Variants in KLHL14 observed in about 807,000 individuals in gnomAD.
KLHL14 encodes the protein kelch-like protein 14.
In KLHL14, 22 loss-of-function variants were observed where a neutral mutation model predicts 64.3. That is an observed-to-expected ratio of 0.34 (90% CI 0.24 to 0.49). The LOEUF (loss-of-function observed/expected upper bound fraction) is 0.49, where lower values mean the gene tolerates loss of function less well. KLHL14 is among the 20% of genes least tolerant of loss of function. The pLI is 0.99. For missense variants in KLHL14, 661 were observed against 789.0 expected (o/e 0.84, Z 1.94); for synonymous variants, 322 against 333.4 (o/e 0.97, Z 0.37).
In KLHL14 at chr18:32,702,341, GT is replaced by G. The variant is rs202167787; in HGVS notation, c.1070-6790del. Among the ~76,000 whole-genome samples the G allele has an allele frequency of 7.7e-3, 951 of 123,918 alleles. 4 individuals are homozygous for G. Among genetic ancestry groups the G allele is most frequent in the Middle Eastern group, 0.027 (6 of 226 alleles). The allele number at this position is 123,918 out of a possible 152,430, so 81.3% of individuals were successfully genotyped here. On this transcript the variant is annotated intron_variant, in intron 3 of 8. Transcript: ENST00000359358. Reference sequence around the variant, plus strand: ...TGCCATGGGCTCTTAGAGGTTTTTTGTTTTTTTTTTTTTTAAAAAAAAGTCT... The same window carrying G: ...TGCCATGGGCTCTTAGAGGTTTTTTGTTTTTTTTTTTTTAAAAAAAAGTCT...
At chr18:32,732,860 T>C (rs2050143752) in intron 3 of KLHL14, among the ~76,000 whole-genome samples, 1 of 152,190 alleles carries the variant, frequency 6.6e-6, no homozygotes, top group Non-Finnish European at 1.5e-5. Flanking sequence ...ATGGATATCA[T>C]GGTGAGAAAA....
chr18:32,770,259 G>C lies in KLHL14; in HGVS notation c.333C>G (p.Pro111=). The C allele has an allele frequency of 6.3e-7, 1 of 1,594,440 alleles. No homozygotes were observed. The highest frequency in any genetic ancestry group is 8.6e-7 in the Non-Finnish European group (1 of 1,168,568). ...GGGGGCTGGTCAGCAGCTTGTCGTC[G>C]GGGGAGGAAGAAGGAGTCCCGGGCT... ...QEEPGTPSSS[P]DDKLLTSPRA... is the part of the protein sequence containing the mutation. Residue 111 remains proline, a synonymous_variant, in exon 2 of 9, where the codon CCC becomes CCG. Coordinates refer to ENST00000359358, the MANE Select transcript of KLHL14 (RefSeq NM_020805.3). This position sits in a 1 kb window ranked among gnomAD's most constrained non-coding sequence, Gnocchi z 6.7.
At chr18:32,760,157 T>C (rs746359129) in intron 2 of KLHL14, among the ~76,000 whole-genome samples, 10 of 152,126 alleles carry the variant, frequency 6.6e-5, no homozygotes, top group Non-Finnish European at 1.2e-4. Context: ...TGGTGACAAA[T>C]TGACCCTCCA....
At chr18:32,707,768 T>G (rs2049997853) in intron 3 of KLHL14, among the ~76,000 whole-genome samples, 1 of 152,210 alleles carries the variant, frequency 6.6e-6, no homozygotes, top group Non-Finnish European at 1.5e-5. Context: ...AAGCTTGAGC[T>G]GGGTTTCCTT....
intron 2 of KLHL14, among the ~76,000 whole-genome samples, chr18:32,760,681 A>C (rs564897375): frequency 1.3e-5 from 2 of 152,230 alleles, no homozygotes; most frequent in Non-Finnish European, 2.9e-5. Context: ...GGAGCAAAGA[A>C]GCCAGACATA....
In KLHL14 at chr18:32,770,575, T is replaced by A. The variant is rs1357856542; in HGVS notation, c.17A>T (p.Asp6Val). The A allele has an allele frequency of 6.5e-7, 1 of 1,534,492 alleles. No homozygotes were observed. Among genetic ancestry groups the A allele is most frequent in the Non-Finnish European group, 8.8e-7 (1 of 1,138,966 alleles). MSRSG[D>V]RTSTFDPSHS... ...GCTGGGGTCGAAGGTGGAGGTCCTG[T>A]CCCCGGATCTGGACATGGCGAGCTG... is the stretch of plus-strand genomic sequence containing the variant. The change falls in exon 2 of 9, where the codon GAC becomes GTC. Residue 6 changes from aspartate (D) to valine (V), a missense_variant. Around this residue, in one of 2 missense-constraint regions of KLHL14, gnomAD observed 331 missense variants for 339.0 expected, o/e 0.98. Transcript: ENST00000359358. The surrounding 1 kb of genome is among the most constrained non-coding windows in gnomAD (Gnocchi z 6.7).
rs780531893 is a variant in KLHL14 at position 32,741,959 on chromosome 18, G to A, written c.1038C>T (p.Asp346=). 71 of 1,611,276 alleles carry A rather than the reference G, an allele frequency of 4.4e-5. No individual in the cohort carries two copies. Among genetic ancestry groups the A allele is most frequent in the Non-Finnish European group, 5.4e-5 (64 of 1,179,408 alleles). ...GTATTTTCCATGTCTTCTTTTCATC[G>A]TCGTAATACTGAACCAAATTGCTGG... The part of the protein sequence containing the change: ...RLPSNLVQYY[D]DEKKTWKILT... Residue 346 remains aspartate, a synonymous_variant, in exon 3 of 9, where the codon GAC becomes GAT. Transcript: ENST00000359358.
chr18:32,698,695 T>G (rs2049948157), intron 3 of KLHL14, among the ~76,000 whole-genome samples: 1 of 152,112 alleles, frequency 6.6e-6, no homozygotes, highest in African/African-American at 2.4e-5. Context: ...TTTGCGAGAC[T>G]TCTCAACTTT....
intron 3 of KLHL14, among the ~76,000 whole-genome samples, chr18:32,699,228 A>T (rs1040804393): frequency 6.6e-6 from 1 of 152,176 alleles, no homozygotes; most frequent in African/African-American, 2.4e-5. Context: ...TACTTTTTGC[A>T]ATAATAACCA....
chr18:32,761,626 G>A (rs191035228), intron 2 of KLHL14, among the ~76,000 whole-genome samples: 1 of 152,192 alleles, frequency 6.6e-6, no homozygotes, highest in Non-Finnish European at 1.5e-5. Flanking sequence ...GGGTGTCCCA[G>A]CCCATGCCAC....
At chr18:32,762,418 T>C (rs1431899913) in intron 2 of KLHL14, among the ~76,000 whole-genome samples, 1 of 152,140 alleles carries the variant, frequency 6.6e-6, no homozygotes, top group African/African-American at 2.4e-5. Context: ...GTTCACATTC[T>C]TAATAACTTG....
intron 3 of KLHL14, among the ~76,000 whole-genome samples, chr18:32,712,655 C>G (rs1307748235): frequency 6.6e-6 from 1 of 152,132 alleles, no homozygotes; most frequent in African/African-American, 2.4e-5. Flanking sequence ...CTACCTATCC[C>G]ATGTCTCTTT....
chr18:32,700,993 A>C (rs1400532385), intron 3 of KLHL14, among the ~76,000 whole-genome samples: 1 of 152,208 alleles, frequency 6.6e-6, no homozygotes, highest in African/African-American at 2.4e-5. Context: ...ACCAGAACAC[A>C]GGGATCTGAG....
chr18:32,710,006 T>C (rs2050010805), intron 3 of KLHL14, among the ~76,000 whole-genome samples: 1 of 152,188 alleles, frequency 6.6e-6, no homozygotes, highest in Non-Finnish European at 1.5e-5. Context: ...GAAGACAGTA[T>C]ATTGTCATAC....
intron 3 of KLHL14, among the ~76,000 whole-genome samples, chr18:32,696,257 C>A (rs186969577): frequency 6.6e-6 from 1 of 152,246 alleles, no homozygotes; most frequent in Non-Finnish European, 1.5e-5. Flanking sequence ...CTTCTCTCTG[C>A]CCAAATGTGG....
At chr18:32,728,498 G>A (rs1047823818) in intron 3 of KLHL14, among the ~76,000 whole-genome samples, 3 of 152,158 alleles carry the variant, frequency 2.0e-5, no homozygotes, top group Non-Finnish European at 4.4e-5. Context: ...TTCTCTAGGT[G>A]TAATGAGTTG....
chr18:32,694,378 C>T (rs1007632868), intron 4 of KLHL14, among the ~76,000 whole-genome samples: 4 of 152,084 alleles, frequency 2.6e-5, no homozygotes, highest in African/African-American at 4.8e-5. Context: ...GGTAACATAC[C>T]GAATCCATCA....
At chr18:32,747,867 A>G (rs1297874981) in intron 2 of KLHL14, among the ~76,000 whole-genome samples, 4 of 152,184 alleles carry the variant, frequency 2.6e-5, no homozygotes. Context: ...TTCTAATTAA[A>G]ATATTTTAAA....
chr18:32,740,120 T>C (rs2050188610), intron 3 of KLHL14, among the ~76,000 whole-genome samples: 1 of 152,162 alleles, frequency 6.6e-6, no homozygotes, highest in Non-Finnish European at 1.5e-5. Context: ...AAAGTTCATG[T>C]TTTCTTCCTA....
Sources: gnomAD v4.1 joint callset for allele counts (sites outside exome capture counted in the v4.1 genomes callset) on GRCh38, gnomAD v4.1.1 for gene constraint, gnomAD v4.1.1 regional missense constraint, Gnocchi (gnomAD v3.1) non-coding constraint, MANE v1.5 for transcripts, NCBI Gene and HGNC (gene_info 2026-07-23, HGNC 2026-07-21) for gene names.